AFF3: variants seen among roughly 807,000 people sequenced by gnomAD.
AFF3 encodes ALF transcription elongation factor 3.
AFF3 carries 32 observed loss-of-function variants against 129.7 expected under a neutral mutation model. The ratio of observed to expected loss-of-function variants is 0.25; its 90% CI spans 0.19 to 0.33. The LOEUF (loss-of-function observed/expected upper bound fraction) is 0.33, where lower values mean the gene tolerates loss of function less well. Among genes scored for constraint, AFF3 ranks in the 10% least tolerant of loss-of-function variants. The pLI, the probability that AFF3 is intolerant of heterozygous loss-of-function variation, is 1.00. For synonymous variants in AFF3, 644 were observed against 635.4 expected, an observed-to-expected ratio of 1.01 and a Z score of -0.20; for missense variants, 1,373 against 1,592.0, an observed-to-expected ratio of 0.86 and a Z score of 2.34.
intron 10 of AFF3, among the ~76,000 whole-genome samples, chr2:99,743,035 G>A (rs1206554582): frequency 2.0e-5 from 3 of 152,222 alleles, no homozygotes; most frequent in African/African-American, 7.2e-5. Flanking sequence ...ATACCACGAC[G>A]TGGACTTAAC....
At chr2:99,864,131 C>T (rs1313626492) in intron 7 of AFF3, among the ~76,000 whole-genome samples, 1 of 152,178 alleles carries the variant, frequency 6.6e-6, no homozygotes, top group Non-Finnish European at 1.5e-5. Context: ...TGCAGAATTG[C>T]AGCTTATCTA....
chr2:100,074,983 A>T (rs1021971661), intron 4 of AFF3, among the ~76,000 whole-genome samples: 10 of 152,202 alleles, frequency 6.6e-5, no homozygotes, highest in Non-Finnish European at 4.4e-5. Flanking sequence ...CCATTACAGG[A>T]TCTTAATTCC....
chr2:100,018,879 T>C (rs1683359721), intron 4 of AFF3, among the ~76,000 whole-genome samples: 1 of 152,138 alleles, frequency 6.6e-6, no homozygotes, highest in Non-Finnish European at 1.5e-5. Context: ...GGGCTTTTCA[T>C]GGGAGAGCCA....
intron 8 of AFF3, among the ~76,000 whole-genome samples, chr2:99,820,327 T>G (rs1177439005): frequency 6.6e-6 from 1 of 152,164 alleles, no homozygotes; most frequent in Non-Finnish European, 1.5e-5. Context: ...CACGGGTAAG[T>G]ATGTTGTGTA....
intron 7 of AFF3, among the ~76,000 whole-genome samples, chr2:99,851,334 C>T (rs1690127626): frequency 1.3e-5 from 2 of 152,246 alleles, no homozygotes; most frequent in African/African-American, 4.8e-5. Flanking sequence ...AATAATTAAA[C>T]TCTAGCTGAT....
At chr2:100,001,976 C>T (rs748938736) in intron 7 of AFF3, among the ~76,000 whole-genome samples, 16 of 152,216 alleles carry the variant, frequency 1.1e-4, no homozygotes, top group Non-Finnish European at 2.1e-4. Flanking sequence ...AAGCGCAGAG[C>T]GTAACCATCC....
chr2:99,760,857 T>C (rs1272608567), intron 8 of AFF3, among the ~76,000 whole-genome samples: 1 of 152,166 alleles, frequency 6.6e-6, no homozygotes, highest in Non-Finnish European at 1.5e-5. Flanking sequence ...GGAATAAGCC[T>C]GTACCCTATT....
intron 14 of AFF3, among the ~76,000 whole-genome samples, chr2:99,595,613 G>C (rs1284654702): frequency 2.0e-5 from 3 of 151,990 alleles, no homozygotes; most frequent in Non-Finnish European, 4.4e-5. Flanking sequence ...ATTTGAAAAG[G>C]TTCCTTTGAA....
intron 13 of AFF3, among the ~76,000 whole-genome samples, chr2:99,629,558 T>G (rs1218428575): frequency 1.3e-5 from 2 of 152,242 alleles, no homozygotes. Context: ...CCGACTGTAC[T>G]GAGTGCAGCT....
At chr2:99,602,801 C>G (rs1679966355) in intron 13 of AFF3, among the ~76,000 whole-genome samples, 1 of 152,160 alleles carries the variant, frequency 6.6e-6, no homozygotes, top group Non-Finnish European at 1.5e-5. Flanking sequence ...TCACCCATCC[C>G]TTAAATCTTT....
intron 8 of AFF3, among the ~76,000 whole-genome samples, chr2:99,812,619 CT>C (rs1224085592): frequency 6.6e-6 from 1 of 152,166 alleles, no homozygotes; most frequent in Non-Finnish European, 1.5e-5. Context: ...GTGTGACTCC[CT>C]TTCTTAATTG....
intron 4 of AFF3, among the ~76,000 whole-genome samples, chr2:100,035,522 G>A (rs940340448): frequency 7.2e-5 from 11 of 152,150 alleles, no homozygotes; most frequent in South Asian, 2.1e-4. Flanking sequence ...CAGCCTTAGC[G>A]AAGAAGCACA....
chr2:100,029,639 AC>A (rs1338668112), intron 4 of AFF3, among the ~76,000 whole-genome samples: 1 of 152,196 alleles, frequency 6.6e-6, no homozygotes, highest in African/African-American at 2.4e-5. Flanking sequence ...AAGTAGAAGG[AC>A]GGCCACTAGG....
chr2:99,844,808 A>T (rs1451976836), intron 7 of AFF3, among the ~76,000 whole-genome samples: 1 of 152,166 alleles, frequency 6.6e-6, no homozygotes, highest in South Asian at 2.1e-4. Context: ...GAAAATGTTC[A>T]TGGGTACCAT....
intron 13 of AFF3, among the ~76,000 whole-genome samples, chr2:99,640,166 T>C (rs1263448711): frequency 6.6e-6 from 1 of 152,162 alleles, no homozygotes; most frequent in Non-Finnish European, 1.5e-5. Context: ...AGAAGGGATA[T>C]TTCTTAGGAT....
intron 7 of AFF3, among the ~76,000 whole-genome samples, chr2:99,965,998 T>G (rs1677707787): frequency 6.6e-6 from 1 of 152,220 alleles, no homozygotes; most frequent in Non-Finnish European, 1.5e-5. Context: ...GCAAAAAATT[T>G]TGCATTTTTG....
chr2:99,605,258 A>G (rs919281275), intron 13 of AFF3, among the ~76,000 whole-genome samples: 2 of 152,220 alleles, frequency 1.3e-5, no homozygotes, highest in African/African-American at 2.4e-5. Flanking sequence ...AAAACAGCTG[A>G]GAGAGCCAAG....
intron 8 of AFF3, among the ~76,000 whole-genome samples, chr2:99,803,373 G>C (rs77101654): frequency 0.011 from 1,673 of 152,058 alleles, 21 homozygotes; most frequent in Non-Finnish European, 0.016. Context: ...GTTCATCAGG[G>C]ATAGGAAGTG....
chr2:99,916,572 T>C (rs990341876), intron 7 of AFF3, among the ~76,000 whole-genome samples: 2 of 152,032 alleles, frequency 1.3e-5, no homozygotes, highest in African/African-American at 4.8e-5. Context: ...AAAGTATCCA[T>C]CCTTTTGGAG....
Sources: allele counts gnomAD v4.1 joint callset (sites outside exome capture counted in the v4.1 genomes callset), GRCh38; gene constraint gnomAD v4.1.1; transcripts MANE v1.5; gene names NCBI Gene and HGNC (gene_info 2026-07-23, HGNC 2026-07-21).